Variants in TOPAZ1 observed in about 807,000 individuals in gnomAD.
TOPAZ1 encodes the protein testis and ovary specific TOPAZ 1, also known as protein TOPAZ1.
TOPAZ1 carries 66 observed loss-of-function variants against 172.2 expected under a neutral mutation model. The ratio of observed to expected loss-of-function variants is 0.38; its 90% CI spans 0.31 to 0.47. The LOEUF (loss-of-function observed/expected upper bound fraction) is 0.47. Ranked by LOEUF, TOPAZ1 falls within the 20% of genes least tolerant of loss-of-function variation. The pLI, the probability that TOPAZ1 is intolerant of heterozygous loss-of-function variation, is 0.99. For missense variants in TOPAZ1, 1,822 were observed against 1,972.4 expected, an observed-to-expected ratio of 0.92 and a Z score of 1.44; for synonymous variants, 681 against 683.9, an observed-to-expected ratio of 1.00 and a Z score of 0.07.
chr3:44,332,186 T>A (rs1037405165), downstream of TOPAZ1: 2 of 560,522 alleles, frequency 3.6e-6, no homozygotes, highest in African/African-American at 3.8e-5. Flanking sequence ...ATTGATTTTA[T>A]TCACACAGAA....
At chr3:44,306,981 T>G (rs1266820460) in intron 15 of TOPAZ1, among the ~76,000 whole-genome samples, 1 of 152,170 alleles carries the variant, frequency 6.6e-6, no homozygotes, top group African/African-American at 2.4e-5. Flanking sequence ...ATATTGTAAT[T>G]TTAGAAGAGT....
At chr3:44,285,814 G>C (rs113544551) in intron 9 of TOPAZ1, among the ~76,000 whole-genome samples, 2 of 151,566 alleles carry the variant, frequency 1.3e-5, no homozygotes, top group African/African-American at 4.8e-5. Context: ...CAGGTGATCC[G>C]CCCACAGCCT....
Position 44,245,069 on chromosome 3 carries a change from A to G in TOPAZ1, c.2563A>G (p.Lys855Glu). 1 of 1,551,708 alleles carries G rather than the reference A, an allele frequency of 6.4e-7. No individual in the cohort carries two copies. The highest frequency in any genetic ancestry group is 8.7e-7 in the Non-Finnish European group (1 of 1,146,982). ...FSEVGFPDIL[K>E]AYEDDVLLID... The stretch of plus-strand genomic sequence containing the variant: ...AGAGGTAGGGTTTCCAGATATTCTT[A>G]AAGCATATGAAGATGACGTCCTCTT... The change falls in exon 2 of 20, where the codon AAA becomes GAA. Residue 855 changes from lysine (K) to glutamate (E), a missense_variant. By Grantham distance (56) the Lys-to-Glu change is moderately conservative. Around this residue, in one of 2 missense-constraint regions of TOPAZ1, gnomAD observed 1,489 missense variants for 1,490.8 expected, o/e 1.00. Coordinates refer to ENST00000309765, the MANE Select transcript of TOPAZ1 (RefSeq NM_001145030.2).
intron 18 of TOPAZ1, among the ~76,000 whole-genome samples, chr3:44,327,637 T>C (rs1272573728): frequency 6.6e-6 from 1 of 152,222 alleles, no homozygotes; most frequent in Non-Finnish European, 1.5e-5. Flanking sequence ...AAAATAGTTA[T>C]TCTGAAATTG....
At position 44,311,552 on chromosome 3, in the gene TOPAZ1, A is replaced by G. The variant is rs553626712; in HGVS notation, c.4306+1562A>G. ...TTTGGAGATTTTGTTTTAAATTTCA[A>G]TGTTTCCGTTTTAGACTAACTTTAA... On this transcript the variant is annotated intron_variant, in intron 16 of 19. Coordinates refer to ENST00000309765, the MANE Select transcript of TOPAZ1 (RefSeq NM_001145030.2). 1.6e-4 allele frequency among the ~76,000 whole-genome samples: 24 copies of G among 152,288 alleles called. No individual in the cohort carries two copies. The East Asian group carries it at 3.5e-3, about 22-fold the overall frequency.
chr3:44,271,164 C>T (rs1305193815), intron 8 of TOPAZ1, among the ~76,000 whole-genome samples: 1 of 152,170 alleles, frequency 6.6e-6, no homozygotes, highest in African/African-American at 2.4e-5. Flanking sequence ...ATAGGTTATA[C>T]TTAAAACTGG....
intron 2 of TOPAZ1, among the ~76,000 whole-genome samples, chr3:44,252,921 A>T (rs187483337): frequency 1.6e-3 from 238 of 152,330 alleles, no homozygotes; most frequent in African/African-American, 5.5e-3. Flanking sequence ...ATAAGCATGT[A>T]CCATAAAATG....
intron 12 of TOPAZ1, among the ~76,000 whole-genome samples, chr3:44,302,176 C>T (rs1487411965): frequency 1.3e-5 from 2 of 152,108 alleles, no homozygotes; most frequent in African/African-American, 4.8e-5. Context: ...TTTGGGAGGC[C>T]GAGGTGGGCA....
At chr3:44,268,395 A>C in intron 6 of TOPAZ1, among the ~76,000 whole-genome samples, 1 of 128,892 alleles carries the variant, frequency 7.8e-6, no homozygotes, top group Non-Finnish European at 1.6e-5. Flanking sequence ...TTTTTTTTAG[A>C]CAGAGTCTCA....
intron 9 of TOPAZ1, 22 bp from the exon 10 acceptor site, chr3:44,287,367 G>A (rs773772512): frequency 2.2e-6 from 3 of 1,360,388 alleles, no homozygotes. Context: ...AATGACTTTA[G>A]TATATATATT....
At chr3:44,284,405 A>G (rs1036721704) in intron 9 of TOPAZ1, among the ~76,000 whole-genome samples, 1 of 152,210 alleles carries the variant, frequency 6.6e-6, no homozygotes, top group African/African-American at 2.4e-5. Flanking sequence ...TTCACTTAGC[A>G]TAATGTCCTC....
In TOPAZ1 at chr3:44,262,479, A is replaced by G. The variant is rs1699785985; in HGVS notation, c.3016A>G (p.Lys1006Glu). The G allele has an allele frequency of 7.0e-7, 1 of 1,423,806 alleles. No homozygotes were observed. The highest frequency in any genetic ancestry group is 1.4e-5 in the African/African-American group (1 of 70,294). The allele number at this position is 1,423,806 out of a possible 1,614,324, so 88.2% of individuals were successfully genotyped here. A position where few individuals can be genotyped will look rare whatever the true frequency, so the allele number is the denominator to read the frequency against. The change falls in exon 5 of 20, where the codon AAA (lysine) becomes GAA (glutamate). Residue 1006 changes from lysine to glutamate, a missense_variant. Lys to Glu is a moderately conservative substitution (Grantham distance 56). This residue lies in a region of TOPAZ1 where 1,489 missense variants were observed against 1,490.8 expected (regional missense o/e 1.00). Transcript: ENST00000309765. ...AAAAGAAAATATTTATGAAGTTTGC[A>G]AAAGGTCTGTAACATAATTCTTAAT... The part of the protein sequence containing the change: ...EEKENIYEVC[K>E]SKDSRNADFM...
At chr3:44,260,874 C>T (rs925306494) in intron 4 of TOPAZ1, among the ~76,000 whole-genome samples, 1 of 152,108 alleles carries the variant, frequency 6.6e-6, no homozygotes, top group African/African-American at 2.4e-5. Flanking sequence ...TATTTTCCAT[C>T]CAATTAACTA....
chr3:44,299,985 G>A (rs1700250903), intron 12 of TOPAZ1, among the ~76,000 whole-genome samples: 1 of 151,092 alleles, frequency 6.6e-6, no homozygotes. Flanking sequence ...ATAGCTTTAG[G>A]AGATATACCT....
intron 8 of TOPAZ1, among the ~76,000 whole-genome samples, chr3:44,277,652 A>C (rs1699975108): frequency 6.6e-6 from 1 of 152,176 alleles, no homozygotes; most frequent in African/African-American, 2.4e-5. Context: ...ATTGAACTGT[A>C]ATCTGCAATC....
intron 2 of TOPAZ1, among the ~76,000 whole-genome samples, chr3:44,253,291 C>T (rs2125679161): frequency 6.6e-6 from 1 of 152,242 alleles, no homozygotes; most frequent in South Asian, 2.1e-4. Flanking sequence ...CATGGAAAGA[C>T]TTTTAAATAA....
At position 44,305,186 on chromosome 3, in the gene TOPAZ1, T is replaced by C. The variant is rs916072852; in HGVS notation, c.3904T>C (p.Leu1302=). The C allele has an allele frequency of 6.5e-7, 1 of 1,540,586 alleles. No individual in the cohort carries two copies. Among genetic ancestry groups the C allele is most frequent in the Admixed American group, 2.1e-5 (1 of 48,464 alleles). ...AGGTGACTGGACCAAATTGGGAAAA[T>C]TATACATTAACGTAAAAATGGGCTG... The part of the protein sequence containing the change: ...EKGDWTKLGK[L]YINVKMGCEK... The change falls in exon 14 of 20, where the codon TTA becomes CTA. Residue 1302 remains leucine, a synonymous_variant. Transcript: ENST00000309765.
At chr3:44,271,544 A>G (rs1485710758) in intron 8 of TOPAZ1, among the ~76,000 whole-genome samples, 1 of 152,132 alleles carries the variant, frequency 6.6e-6, no homozygotes, top group Non-Finnish European at 1.5e-5. Context: ...GTGTGTATGT[A>G]TATCTATATA....
chr3:44,304,102 A>G, intron 13 of TOPAZ1, 21 bp downstream of exon 13: 2 of 1,358,194 alleles, frequency 1.5e-6, no homozygotes, highest in Non-Finnish European at 2.0e-6. Context: ...TATTATTTTA[A>G]ATACATTGCT....
Sources: allele counts gnomAD v4.1 joint callset (sites outside exome capture counted in the v4.1 genomes callset), GRCh38; gene constraint gnomAD v4.1.1; regional missense constraint gnomAD v4.1.1; transcripts MANE v1.5; gene names NCBI Gene and HGNC (gene_info 2026-07-23, HGNC 2026-07-21).